The following UAP1L1 variants were observed in gnomAD, a reference collection of about 807,000 sequenced individuals.
UAP1L1 encodes UDP-N-acetylglucosamine pyrophosphorylase 1 like 1.
In UAP1L1, 45 loss-of-function variants were observed where a neutral mutation model predicts 45.3. The observed-to-expected ratio is 0.99, with a 90% CI of 0.78 to 1.27. The LOEUF is 1.27. Among genes scored for constraint, UAP1L1 ranks in the 50% most tolerant of loss-of-function variants. UAP1L1 has a pLI of 0.00. For missense variants in UAP1L1, 667 were observed against 694.0 expected (o/e 0.96, Z 0.44); for synonymous variants, 323 against 303.9 (o/e 1.06, Z -0.65).
In UAP1L1 at chr9:137,080,030, G is replaced by A. The variant is rs200001347; in HGVS notation, c.1066G>A (p.Val356Met). The A allele has an allele frequency of 1.0e-4, 167 of 1,613,932 alleles. No homozygotes were observed. Among genetic ancestry groups the A allele is most frequent in the Admixed American group, 2.0e-4 (12 of 60,002 alleles). ...REFEPLLKPHVAVKKVPYVDE... is the reference protein window; with the variant it reads ...REFEPLLKPHMAVKKVPYVDE... ...GTTTGAGCCTTTGCTGAAGCCACAC[G>A]TGGCTGTGAAGAAGGTCCCGTATGT... is the stretch of plus-strand genomic sequence containing the variant. Residue 356 changes from valine (V) to methionine (M), a missense_variant, in exon 6 of 9, where the codon GTG becomes ATG. Transcript: ENST00000409858.
Position 137,082,856 on chromosome 9 carries a change from G to C in UAP1L1, c.*127G>C. The stretch of plus-strand genomic sequence containing the variant: ...GGGGCTACAGCCCAGCCTGAGCTCT[G>C]GGTGGGAAAGCAGCCTGCCCCATGC... On this transcript the variant is annotated 3_prime_UTR_variant, in exon 9 of 9. Transcript: ENST00000409858. The surrounding 1 kb of genome is among the most constrained non-coding windows in gnomAD (Gnocchi z 5.7). 1.4e-6 allele frequency: 1 copy of C among 718,552 alleles called. No homozygotes were observed. Among genetic ancestry groups the C allele is most frequent in the Non-Finnish European group, 2.3e-6 (1 of 430,592 alleles). The allele number at this position is 718,552 out of a possible 1,614,324, so 44.5% of individuals were successfully genotyped here.
intron 5 of UAP1L1, chr9:137,079,677 G>A: frequency 1.7e-6 from 1 of 593,178 alleles, no homozygotes; most frequent in Non-Finnish European, 2.9e-6. Flanking sequence ...CTGCTGTAAG[G>A]CTCTGTGATC....
chr9:137,080,714 C>A lies in UAP1L1; in HGVS notation c.1204C>A (p.Arg402=). 1 of 1,612,060 alleles carries A rather than the reference C, an allele frequency of 6.2e-7. No homozygotes were observed. Among genetic ancestry groups the A allele is most frequent in the Non-Finnish European group, 8.5e-7 (1 of 1,179,504 alleles). Residue 402 remains arginine, a synonymous_variant, in exon 7 of 9, where the codon CGG becomes AGG. Coordinates refer to ENST00000409858, the MANE Select transcript of UAP1L1 (RefSeq NM_207309.3). ...GAACTTTGCTGCCTTGGAAGTGCTG[C>A]GGGAGGAGGAATTTTCCCCACTGAA... is the stretch of plus-strand genomic sequence containing the variant. ...AKNFAALEVL[R]EEEFSPLKNA... is the part of the protein sequence containing the mutation.
Position 137,077,786 on chromosome 9 carries a change from G to T in UAP1L1, c.254G>T (p.Ser85Ile). 1 of 1,374,910 alleles carries T rather than the reference G, an allele frequency of 7.3e-7. No individual in the cohort carries two copies. Among genetic ancestry groups the T allele is most frequent in the Non-Finnish European group, 9.4e-7 (1 of 1,068,690 alleles). 85.2% of individuals were successfully genotyped at this position (1,374,910 alleles called of 1,614,324 possible). The change falls in exon 1 of 9, where the codon AGC becomes ATC. Residue 85 changes from serine to isoleucine, a missense_variant. Ser to Ile is a moderately radical substitution (Grantham distance 142). Coordinates refer to ENST00000409858, the MANE Select transcript of UAP1L1 (RefSeq NM_207309.3). This position sits in a 1 kb window ranked among gnomAD's most constrained non-coding sequence, Gnocchi z 4.7. ...GAGCGCGTGGGCAGGGCCAGCCGCA[G>T]CGACCCCGAGACACGGCGGCGCTGG... is the stretch of plus-strand genomic sequence containing the variant. ...PPERVGRASR[S>I]DPETRRRWEE...
chr9:137,079,863 T>C, intron 5 of UAP1L1, 139 bp from the exon 6 acceptor site: 1 of 1,015,736 alleles, frequency 9.8e-7, no homozygotes, highest in Non-Finnish European at 1.5e-6. Context: ...CTGGCCCTAC[T>C]CTGCCGCTTC....
rs548883123 is a variant in UAP1L1 at position 137,082,428 on chromosome 9, C to T, written c.1432-209C>T. ...TCAGACCTGTGCGTGACAGGAGGGT[C>T]CCCTGCTGGCCTAGGGTCTTGAGTG... On this transcript the variant is annotated intron_variant, in intron 8 of 8. Transcript: ENST00000409858. The surrounding 1 kb of genome is among the most constrained non-coding windows in gnomAD (Gnocchi z 5.7). The T allele has an allele frequency of 1.0e-5, 6 of 594,012 alleles. No individual in the cohort carries two copies. Among genetic ancestry groups the T allele is most frequent in the African/African-American group, 1.9e-5 (1 of 53,848 alleles). The allele number at this position is 594,012 out of a possible 1,614,324, so 36.8% of individuals were successfully genotyped here. A position where few individuals can be genotyped will look rare whatever the true frequency, so the allele number is the denominator to read the frequency against.
At position 137,080,886 on chromosome 9, in the gene UAP1L1, C is replaced by G; in HGVS notation, c.1364+12C>G. ...CCAGAGCTGCCCAGGTGAGTGTGGC[C>G]CTGGGGTAGCTACAGCCAGAAGGGG... On this transcript the variant is annotated intron_variant, in intron 7 of 8. Transcript: ENST00000409858. The G allele has an allele frequency of 6.4e-7, 1 of 1,561,956 alleles. No individual in the cohort carries two copies. The highest frequency in any genetic ancestry group is 8.6e-7 in the Non-Finnish European group (1 of 1,160,104).
At chr9:137,080,381 T>C (rs983931059) in intron 6 of UAP1L1, 41 of 596,734 alleles carry the variant, frequency 6.9e-5, no homozygotes, top group East Asian at 6.6e-4. Context: ...CTCCCGGACC[T>C]TCCACTGCCC....
Position 137,082,528 on chromosome 9 carries a change from C to G in UAP1L1, c.1432-109C>G. On this transcript the variant is annotated intron_variant, in intron 8 of 8. Coordinates refer to ENST00000409858, the MANE Select transcript of UAP1L1 (RefSeq NM_207309.3). The surrounding 1 kb of genome is among the most constrained non-coding windows in gnomAD (Gnocchi z 5.7). The stretch of plus-strand genomic sequence containing the variant: ...TTTCTGTCCCCACCCCTCCCTGACT[C>G]CAGGCAGACCTGGGATCGCACCTGG... 1.1e-6 allele frequency: 1 copy of G among 907,600 alleles called. No individual in the cohort carries two copies. 56.2% of individuals were successfully genotyped at this position (907,600 alleles called of 1,614,324 possible).
Position 137,083,497 on chromosome 9 carries a change from C to G in UAP1L1, c.*768C>G, listed in dbSNP as rs1164021530. On this transcript the variant is annotated 3_prime_UTR_variant, in exon 9 of 9. Coordinates refer to ENST00000409858, the MANE Select transcript of UAP1L1 (RefSeq NM_207309.3). ...TGGTCGGTTTAGGCTGCTGAGTTTT[C>G]TGTGCTTCCCCAAGAACCAGTGGGA... is the stretch of plus-strand genomic sequence containing the variant. The G allele has an allele frequency of 6.6e-6, 1 of 152,338 alleles. No individual in the cohort carries two copies. The highest frequency in any genetic ancestry group is 2.4e-5 in the African/African-American group (1 of 41,466). The allele number at this position is 152,338 out of a possible 1,614,324, so 9.4% of individuals were successfully genotyped here. A position where few individuals can be genotyped will look rare whatever the true frequency, so the allele number is the denominator to read the frequency against.
In UAP1L1 at chr9:137,082,120, T is replaced by C. The variant is rs568171421; in HGVS notation, c.1431+56T>C. Reference sequence around the variant, plus strand: ...TTCTGGTGTCAGGTTTGGAATACCATCTGGGGAGAGGTGGCTGCTCGGGTG... The same window carrying C: ...TTCTGGTGTCAGGTTTGGAATACCACCTGGGGAGAGGTGGCTGCTCGGGTG... On this transcript the variant is annotated intron_variant, in intron 8 of 8. Coordinates refer to ENST00000409858, the MANE Select transcript of UAP1L1 (RefSeq NM_207309.3). The surrounding 1 kb of genome is among the most constrained non-coding windows in gnomAD (Gnocchi z 5.7). The C allele has an allele frequency of 1.3e-4, 198 of 1,568,036 alleles. 1 individual carries two copies. The South Asian group carries it at 1.7e-3, about 13-fold the overall frequency.
In UAP1L1 at chr9:137,078,494, C is replaced by T. The variant is rs368837620; in HGVS notation, c.495-8C>T. On this transcript the variant is annotated splice_polypyrimidine_tract_variant and splice_region_variant and intron_variant, in intron 2 of 8. Transcript: ENST00000409858. Reference sequence around the variant, plus strand: ...ACTCGCGGCCGGCTCACCGCGCCTCCCTTGCAGGTACGTCATGACCAGCGA... The same window carrying T: ...ACTCGCGGCCGGCTCACCGCGCCTCTCTTGCAGGTACGTCATGACCAGCGA... 2.3e-4 allele frequency: 378 copies of T among 1,612,852 alleles called. No homozygotes were observed. The highest frequency in any genetic ancestry group is 3.0e-4 in the Non-Finnish European group (350 of 1,179,988).
chr9:137,079,975 C>G, intron 5 of UAP1L1, 27 bp from the exon 6 acceptor site: 1 of 1,611,526 alleles, frequency 6.2e-7, no homozygotes, highest in East Asian at 2.2e-5. Context: ...CTGTTTCTTT[C>G]CTCCCCTCTG....
chr9:137,081,266 C>T (rs1287097418), intron 7 of UAP1L1, among the ~76,000 whole-genome samples: 2 of 151,880 alleles, frequency 1.3e-5, no homozygotes, highest in African/African-American at 2.4e-5. Context: ...GTGGTGGGAT[C>T]TCGGCTCGCT....
intron 6 of UAP1L1, 64 bp from the exon 7 acceptor site, chr9:137,080,625 C>T (rs1255689688): frequency 2.7e-6 from 4 of 1,507,028 alleles, no homozygotes; most frequent in Admixed American, 3.8e-5. Context: ...CCTGGCCCAG[C>T]TCTCACCTGC....
intron 7 of UAP1L1, among the ~76,000 whole-genome samples, chr9:137,081,760 T>G (rs1832790696): frequency 6.6e-6 from 1 of 152,184 alleles, no homozygotes; most frequent in Admixed American, 6.5e-5. Flanking sequence ...TAAATCTAGC[T>G]GCCTAGGCTC....
In UAP1L1 at chr9:137,078,182, T is replaced by C; in HGVS notation, c.422T>C (p.Leu141Pro). The change falls in exon 2 of 9, where the codon CTG (leucine) becomes CCG (proline). Residue 141 changes from leucine to proline, a missense_variant. Coordinates refer to ENST00000409858, the MANE Select transcript of UAP1L1 (RefSeq NM_207309.3). ...GLPSRKTLYQ[L>P]QAERIRRVEQ... ...CCCAGCCGGAAGACCCTGTACCAGCTGCAGGCGGAGCGGATTCGGCGGGTG... is the reference window on the plus strand; with the variant it reads ...CCCAGCCGGAAGACCCTGTACCAGCCGCAGGCGGAGCGGATTCGGCGGGTG... The C allele has an allele frequency of 6.5e-7, 1 of 1,549,982 alleles. No homozygotes were observed. Among genetic ancestry groups the C allele is most frequent in the Non-Finnish European group, 8.7e-7 (1 of 1,146,808 alleles).
rs376233388 is a variant in UAP1L1, at chr9:137,080,029, C to T, written c.1065C>T (p.His355=). 33 of 1,614,022 alleles carry T rather than the reference C, an allele frequency of 2.0e-5. No individual in the cohort carries two copies. The highest frequency in any genetic ancestry group is 2.5e-5 in the Non-Finnish European group (29 of 1,179,940). The change falls in exon 6 of 9, where the codon CAC becomes CAT. Residue 355 remains histidine, a synonymous_variant. Transcript: ENST00000409858. ...TREFEPLLKP[H]VAVKKVPYVD... Reference sequence around the variant, plus strand: ...AGTTTGAGCCTTTGCTGAAGCCACACGTGGCTGTGAAGAAGGTCCCGTATG... The same window carrying T: ...AGTTTGAGCCTTTGCTGAAGCCACATGTGGCTGTGAAGAAGGTCCCGTATG...
chr9:137,082,914 T>A lies in UAP1L1; in HGVS notation c.*185T>A. The A allele has an allele frequency of 1.7e-6, 1 of 588,924 alleles. No homozygotes were observed. Among genetic ancestry groups the A allele is most frequent in the Non-Finnish European group, 3.0e-6 (1 of 328,544 alleles). The allele number at this position is 588,924 out of a possible 1,614,324, so 36.5% of individuals were successfully genotyped here. On this transcript the variant is annotated 3_prime_UTR_variant, in exon 9 of 9. Transcript: ENST00000409858. The surrounding 1 kb of genome is among the most constrained non-coding windows in gnomAD (Gnocchi z 5.7). ...CTGCAGAACACAGAATGAAACATGC[T>A]GGTAGACTCCACGAGGGCAGGGCCT...
Sources: gnomAD v4.1 joint callset for allele counts (sites outside exome capture counted in the v4.1 genomes callset) on GRCh38, gnomAD v4.1.1 for gene constraint, Gnocchi (gnomAD v3.1) non-coding constraint, MANE v1.5 for transcripts, NCBI Gene and HGNC (gene_info 2026-07-23, HGNC 2026-07-21) for gene names.